CREBRF: variants seen among roughly 807,000 people sequenced by gnomAD.
CREBRF encodes UPF0474 protein C5orf41.
CREBRF carries 5 observed loss-of-function variants against 66.1 expected under a neutral mutation model. That is an observed-to-expected ratio of 0.08 (90% CI 0.04 to 0.16). The LOEUF (loss-of-function observed/expected upper bound fraction) is 0.16. Among genes scored for constraint, CREBRF ranks in the 10% least tolerant of loss-of-function variants. CREBRF has a pLI of 1.00. For synonymous variants in CREBRF, 229 were observed against 264.4 expected, an observed-to-expected ratio of 0.87 and a Z score of 1.30; for missense variants, 531 against 744.9, an observed-to-expected ratio of 0.71 and a Z score of 3.34.
At chr5:173,082,907 T>TCTC (rs1276663031) in intron 2 of CREBRF, among the ~76,000 whole-genome samples, 1 of 24,048 alleles carries the variant, frequency 4.2e-5, no homozygotes, top group Admixed American at 9.5e-4. Context: ...AGACTCTGTC[T>TCTC]CAAAAAAAAA....
At position 173,127,620 on chromosome 5, in the gene CREBRF, C is replaced by T. The variant is rs552965195; in HGVS notation, c.1804+4418C>T. ...GACTACAGGCGCATGCCACCGCGCC[C>T]GGCTAATTTTTGTATTTTTAGTAGA... On this transcript the variant is annotated intron_variant, in intron 8 of 8. Coordinates refer to ENST00000296953, the MANE Select transcript of CREBRF (RefSeq NM_153607.3). 1.6e-3 allele frequency among the ~76,000 whole-genome samples: 248 copies of T among 151,746 alleles called. 1 individual carries two copies. The highest frequency in any genetic ancestry group is 2.3e-3 in the Non-Finnish European group (153 of 67,958).
chr5:173,074,258 A>C (rs1467643355), intron 1 of CREBRF, among the ~76,000 whole-genome samples: 1 of 149,764 alleles, frequency 6.7e-6, no homozygotes, highest in Non-Finnish European at 1.5e-5. Context: ...CTGAGATCAC[A>C]CCATTGCACT....
chr5:173,119,189 ATTACT>A (rs1581042350), intron 7 of CREBRF, among the ~76,000 whole-genome samples: 2 of 152,226 alleles, frequency 1.3e-5, no homozygotes, highest in Admixed American at 6.5e-5. Context: ...AGATTTTCAA[ATTACT>A]TTATCATCTT....
intron 2 of CREBRF, among the ~76,000 whole-genome samples, chr5:173,083,840 C>G (rs1387407993): frequency 6.6e-6 from 1 of 152,104 alleles, no homozygotes; most frequent in East Asian, 1.9e-4. Flanking sequence ...AATTGCTGCT[C>G]TATATTTTTT....
chr5:173,081,024 G>A (rs1230831020), intron 2 of CREBRF, among the ~76,000 whole-genome samples: 4 of 152,132 alleles, frequency 2.6e-5, no homozygotes, highest in Non-Finnish European at 5.9e-5. Context: ...GTAGAAGGTG[G>A]ACAGATCTGC....
In CREBRF at chr5:173,123,150, G is replaced by C. The variant is rs1264111009; in HGVS notation, c.1752G>C (p.Glu584Asp). 1 of 1,605,132 alleles carries C rather than the reference G, an allele frequency of 6.2e-7. No homozygotes were observed. The highest frequency in any genetic ancestry group is 8.5e-7 in the Non-Finnish European group (1 of 1,177,808). ...IVNRVQNPRD[E>D]RGPNMGQKLE... is the part of the protein sequence containing the mutation. ...ACCGGGTACAGAATCCAAGAGATGAGAGAGGACCCAACATGGGGCAGAAGC... is the reference window on the plus strand; with the variant it reads ...ACCGGGTACAGAATCCAAGAGATGACAGAGGACCCAACATGGGGCAGAAGC... Residue 584 changes from glutamate to aspartate, a missense_variant, in exon 8 of 9, where the codon GAG becomes GAC. Coordinates refer to ENST00000296953, the MANE Select transcript of CREBRF (RefSeq NM_153607.3).
chr5:173,112,817 A>G (rs1027763023), intron 7 of CREBRF, among the ~76,000 whole-genome samples: 3 of 152,166 alleles, frequency 2.0e-5, no homozygotes, highest in Non-Finnish European at 4.4e-5. Flanking sequence ...TTGAATAATG[A>G]TATTTTAGGC....
chr5:173,095,333 C>T (rs1405085094), intron 4 of CREBRF, among the ~76,000 whole-genome samples: 2 of 151,698 alleles, frequency 1.3e-5, no homozygotes, highest in East Asian at 1.9e-4. Context: ...GGACTACAGG[C>T]GCCCGCCACC....
chr5:173,058,071 G>A (rs1377701932), intron 1 of CREBRF, among the ~76,000 whole-genome samples: 1 of 151,550 alleles, frequency 6.6e-6, no homozygotes, highest in Non-Finnish European at 1.5e-5. Context: ...ACAAGACTTG[G>A]GTGTAAATCT....
At chr5:173,106,673 C>T (rs190402897) in intron 4 of CREBRF, among the ~76,000 whole-genome samples, 1 of 152,136 alleles carries the variant, frequency 6.6e-6, no homozygotes, top group East Asian at 1.9e-4. Flanking sequence ...TGAGTTTTGA[C>T]AAATCATGTA....
intron 4 of CREBRF, among the ~76,000 whole-genome samples, chr5:173,104,345 A>AT (rs57858557): frequency 0.093 from 14,203 of 152,026 alleles, 787 homozygotes; most frequent in South Asian, 0.16. Context: ...TTGGGGCATA[A>AT]TTTTTTTCAT....
At chr5:173,123,276 AG>A in intron 8 of CREBRF, 74 bp downstream of exon 8, 1 of 1,441,406 alleles carries the variant, frequency 6.9e-7, no homozygotes, top group Non-Finnish European at 9.3e-7. Context: ...GGATATTAAA[AG>A]TTCTTTTAGT....
At chr5:173,091,807 A>C (rs1010759781) in intron 4 of CREBRF, 7 of 989,040 alleles carry the variant, frequency 7.1e-6, no homozygotes, top group Non-Finnish European at 7.2e-6. Context: ...GTTTAGGGCC[A>C]GGCGCAGTGG....
chr5:173,130,441 A>G (rs1364572762), intron 8 of CREBRF, among the ~76,000 whole-genome samples: 1 of 152,140 alleles, frequency 6.6e-6, no homozygotes, highest in African/African-American at 2.4e-5. Context: ...TTAATCCTAT[A>G]GAAAAGGAGA....
At chr5:173,091,935 A>C (rs1758353398) in intron 4 of CREBRF, 4 of 309,214 alleles carry the variant, frequency 1.3e-5, no homozygotes, top group African/African-American at 2.3e-5. Context: ...AAATACAAAA[A>C]TCAGATGTGG....
intron 1 of CREBRF, among the ~76,000 whole-genome samples, chr5:173,079,716 T>C (rs1757876411): frequency 6.6e-6 from 1 of 152,222 alleles, no homozygotes; most frequent in South Asian, 2.1e-4. Context: ...TCTGTTTTGA[T>C]TCTTCATTTT....
chr5:173,121,591 G>C (rs539977608), intron 7 of CREBRF, among the ~76,000 whole-genome samples: 1 of 152,198 alleles, frequency 6.6e-6, no homozygotes, highest in African/African-American at 2.4e-5. Context: ...CAAAGTGCTG[G>C]GATTACAGGT....
chr5:173,089,237 A>C (rs551204458), intron 3 of CREBRF, among the ~76,000 whole-genome samples: 117 of 149,030 alleles, frequency 7.9e-4, no homozygotes, highest in South Asian at 5.3e-3. Flanking sequence ...ACACACACAC[A>C]CCCCAAAAAT....
In CREBRF at chr5:173,112,331, C is replaced by A; in HGVS notation, c.1633C>A (p.Gln545Lys). The part of the protein sequence containing the change: ...SRACRLKKKA[Q>K]YEANKVKLWG... ...AGCTTGTCGGTTAAAGAAGAAAGCC[C>A]AGTATGAAGCTAATAAAGTGAAATT... The change falls in exon 7 of 9, where the codon CAG (glutamine) becomes AAG (lysine). Residue 545 changes from glutamine to lysine, a missense_variant. Coordinates refer to ENST00000296953, the MANE Select transcript of CREBRF (RefSeq NM_153607.3). 1 of 1,603,876 alleles carries A rather than the reference C, an allele frequency of 6.2e-7. No homozygotes were observed. The highest frequency in any genetic ancestry group is 8.5e-7 in the Non-Finnish European group (1 of 1,174,694).
Sources: gnomAD v4.1 joint callset for allele counts (sites outside exome capture counted in the v4.1 genomes callset) on GRCh38, gnomAD v4.1.1 for gene constraint, MANE v1.5 for transcripts, NCBI Gene and HGNC (gene_info 2026-07-23, HGNC 2026-07-21) for gene names.